Variants in RBPJL observed in about 807,000 individuals in gnomAD.
The protein encoded by RBPJL is recombining binding protein suppressor of hairless-like protein.
A neutral mutation model predicts 57.6 loss-of-function variants in RBPJL; 50 were observed. The ratio of observed to expected loss-of-function variants is 0.87; its 90% CI spans 0.69 to 1.10. The LOEUF is 1.10. Among genes scored for constraint, RBPJL ranks in the 50% least tolerant of loss-of-function variants. The probability of loss-of-function intolerance (pLI) is 0.00; values close to 1 mark genes in which losing one functional copy is unlikely to be tolerated. For missense variants in RBPJL, 684 were observed against 693.7 expected (o/e 0.99, Z 0.16); for synonymous variants, 303 against 294.4 (o/e 1.03, Z -0.30).
Position 45,314,150 on chromosome 20 carries a change from G to T in RBPJL, c.867+6G>T. The T allele has an allele frequency of 6.2e-7, 1 of 1,605,814 alleles. No homozygotes were observed. The highest frequency in any genetic ancestry group is 1.1e-5 in the South Asian group (1 of 90,914). ...GCATCACACTACCTCCCATGGTATAGGAAGGGAGGGCATGCCTGGAGGGGT... is the reference window on the plus strand; with the variant it reads ...GCATCACACTACCTCCCATGGTATATGAAGGGAGGGCATGCCTGGAGGGGT... On this transcript the variant is annotated splice_donor_region_variant and intron_variant, in intron 8 of 11. Transcript: ENST00000343694.
chr20:45,316,907 G>C lies in RBPJL; in HGVS notation c.1502G>C (p.Ser501Thr). 6.2e-7 allele frequency: 1 copy of C among 1,613,618 alleles called. No individual in the cohort carries two copies. The highest frequency in any genetic ancestry group is 1.7e-4 in the Middle Eastern group (1 of 6,060). ...ACCGACGCCGACGCGCTCCTGGAGA[G>C]CATCCATCAGGAGTTCACGCGCACC... is the stretch of plus-strand genomic sequence containing the variant. ...PATDADALLESIHQEFTRTNF... is the reference protein window; with the variant it reads ...PATDADALLETIHQEFTRTNF... The change falls in exon 12 of 12, where the codon AGC (serine) becomes ACC (threonine). Residue 501 changes from serine (S) to threonine (T), a missense_variant. Transcript: ENST00000343694.
chr20:45,310,119 T>A (rs1470337125), intron 3 of RBPJL, among the ~76,000 whole-genome samples: 1 of 152,112 alleles, frequency 6.6e-6, no homozygotes, highest in East Asian at 1.9e-4. Context: ...GGAAACAAGA[T>A]ACTTGCAGAT....
chr20:45,312,491 C>CTTA lies in RBPJL; in HGVS notation c.619+97_619+99dup. 4 of 1,267,004 alleles carry CTTA rather than the reference C, an allele frequency of 3.2e-6. No homozygotes were observed. The South Asian group carries it at 5.7e-5, about 18-fold the overall frequency. The allele number at this position is 1,267,004 out of a possible 1,614,324, so 78.5% of individuals were successfully genotyped here. A position where few individuals can be genotyped will look rare whatever the true frequency, so the allele number is the denominator to read the frequency against. On this transcript the variant is annotated intron_variant, in intron 6 of 11. Coordinates refer to ENST00000343694, the MANE Select transcript of RBPJL (RefSeq NM_014276.4). Reference sequence around the variant, plus strand: ...GGCGCGGAGGTGGGGGTAGGCTGGGCTTAGGGGTCAGAGTGGAAAAGGTGG... The same window carrying CTTA: ...GGCGCGGAGGTGGGGGTAGGCTGGGCTTATTAGGGGTCAGAGTGGAAAAGGTGG...
intron 3 of RBPJL, among the ~76,000 whole-genome samples, chr20:45,310,986 G>A (rs912622204): frequency 7.2e-5 from 11 of 151,760 alleles, no homozygotes; most frequent in African/African-American, 1.7e-4. Context: ...GGTGGCTTGT[G>A]TCTGTAGTCT....
At chr20:45,314,237 G>C in intron 8 of RBPJL, 93 bp downstream of exon 8, 1 of 1,303,336 alleles carries the variant, frequency 7.7e-7, no homozygotes, top group Non-Finnish European at 1.1e-6. Flanking sequence ...GAGGCCCCAA[G>C]GCATGGAGAC....
rs538601085 is a variant in RBPJL at position 45,317,018 on chromosome 20, G to T, written c.*59G>T. On this transcript the variant is annotated 3_prime_UTR_variant, in exon 12 of 12. Transcript: ENST00000343694. Reference sequence around the variant, plus strand: ...GGGCTGCGCCCGCGCCAGGCGCGGGGACGTGTTTCTGGGTTCTAGGCCCTG... The same window carrying T: ...GGGCTGCGCCCGCGCCAGGCGCGGGTACGTGTTTCTGGGTTCTAGGCCCTG... 4.5e-6 allele frequency: 7 copies of T among 1,548,260 alleles called. 1 individual carries two copies. Among genetic ancestry groups the T allele is most frequent in the East Asian group, 2.3e-5 (1 of 44,332 alleles).
chr20:45,307,068 GC>G, intron 1 of RBPJL, 124 bp downstream of exon 1: 1 of 544,428 alleles, frequency 1.8e-6, no homozygotes, highest in Non-Finnish European at 2.8e-6. Flanking sequence ...CCGCCGAACT[GC>G]AAAAGCAGGA....
At chr20:45,310,048 T>C (rs112217779) in intron 3 of RBPJL, among the ~76,000 whole-genome samples, 1 of 152,160 alleles carries the variant, frequency 6.6e-6, no homozygotes, top group Non-Finnish European at 1.5e-5. Context: ...CAGCCCCTGC[T>C]CTGTAGCCCA....
intron 6 of RBPJL, 21 bp downstream of exon 6, chr20:45,312,416 C>T (rs577036716): frequency 1.2e-6 from 2 of 1,603,608 alleles, no homozygotes; most frequent in African/African-American, 1.3e-5. Flanking sequence ...CGGGGCCTGA[C>T]CCCCGGCCCG....
At position 45,307,092 on chromosome 20, in the gene RBPJL, G is replaced by A. The variant is rs563628360; in HGVS notation, c.22+148G>A. ...TGCAAAAGCAGGATTAGAACCTAGG[G>A]CTCCTGGTTCCCCTTCTCTCTCTTG... On this transcript the variant is annotated intron_variant, in intron 1 of 11. Transcript: ENST00000343694. The A allele has an allele frequency of 2.5e-5, 12 of 474,228 alleles. 1 individual carries two copies. The highest frequency in any genetic ancestry group is 2.4e-4 in the African/African-American group (12 of 49,572). 29.4% of individuals were successfully genotyped at this position (474,228 alleles called of 1,614,324 possible).
chr20:45,311,893 G>A lies in RBPJL; in HGVS notation c.383G>A (p.Ser128Asn). The A allele has an allele frequency of 1.3e-6, 2 of 1,539,818 alleles. No homozygotes were observed. Among genetic ancestry groups the A allele is most frequent in the South Asian group, 2.4e-5 (2 of 83,066 alleles). The change falls in exon 5 of 12, where the codon AGC becomes AAC. Residue 128 changes from serine to asparagine, a missense_variant. By Grantham distance (46) the Ser-to-Asn change is conservative. Transcript: ENST00000343694. ...PTVCGYMGLDSASGSATETQK... is the reference protein window; with the variant it reads ...PTVCGYMGLDNASGSATETQK... ...GTCTGCGGTTACATGGGACTGGACAGCGCGTCCGGCAGCGCCACTGAGACG... is the reference window on the plus strand; with the variant it reads ...GTCTGCGGTTACATGGGACTGGACAACGCGTCCGGCAGCGCCACTGAGACG...
chr20:45,311,576 C>CT lies in RBPJL; in HGVS notation c.258-11dup. The CT allele has an allele frequency of 6.2e-7, 1 of 1,614,040 alleles. No homozygotes were observed. Among genetic ancestry groups the CT allele is most frequent in the Non-Finnish European group, 8.5e-7 (1 of 1,179,906 alleles). On this transcript the variant is annotated splice_polypyrimidine_tract_variant and intron_variant, in intron 3 of 11. Coordinates refer to ENST00000343694, the MANE Select transcript of RBPJL (RefSeq NM_014276.4). ...GATGGATGCACGACTCCAACACTCA[C>CT]TTATCTCCGCAGGTTCTTCTGCCCC...
In RBPJL at chr20:45,312,335, C is replaced by T. The variant is rs574727643; in HGVS notation, c.559C>T (p.Arg187Cys). 4 of 1,614,180 alleles carry T rather than the reference C, an allele frequency of 2.5e-6. No homozygotes were observed. The highest frequency in any genetic ancestry group is 2.2e-5 in the South Asian group (2 of 91,080). The change falls in exon 6 of 12, where the codon CGC becomes TGC. Residue 187 changes from arginine to cysteine, a missense_variant. Arg to Cys is a radical substitution (Grantham distance 180). Coordinates refer to ENST00000343694, the MANE Select transcript of RBPJL (RefSeq NM_014276.4). ...CCGGGAGCTGGGTACCTTCCACAGCCGCCTTATCAAGGTCATCTCGAAGCC... is the reference window on the plus strand; with the variant it reads ...CCGGGAGCTGGGTACCTTCCACAGCTGCCTTATCAAGGTCATCTCGAAGCC... The part of the protein sequence containing the change: ...GGRELGTFHS[R>C]LIKVISKPSQ...
rs768524263 is a variant in RBPJL, at chr20:45,316,679, C to T, written c.1281-7C>T. ...CCGCAGCCCTCACCCTGGTGCTCCA[C>T]CCCCAGGAGCCCGCGGTCCCTGGTG... On this transcript the variant is annotated splice_region_variant and splice_polypyrimidine_tract_variant and intron_variant, in intron 11 of 11. Transcript: ENST00000343694. 14 of 1,586,654 alleles carry T rather than the reference C, an allele frequency of 8.8e-6. No individual in the cohort carries two copies. The Admixed American group carries it at 1.8e-4, about 20-fold the overall frequency.
chr20:45,312,035 C>T (rs1987201787), intron 5 of RBPJL, 81 bp downstream of exon 5: 1 of 1,448,386 alleles, frequency 6.9e-7, no homozygotes, highest in Admixed American at 1.8e-5. Flanking sequence ...TACTCCCCTC[C>T]GAAAGCCAAG....
chr20:45,311,449 T>G, intron 3 of RBPJL, 140 bp from the exon 4 acceptor site: 1 of 721,078 alleles, frequency 1.4e-6, no homozygotes, highest in Non-Finnish European at 2.4e-6. Flanking sequence ...ATGAATGGGG[T>G]TTACAGTCGT....
At chr20:45,313,652 G>A in intron 7 of RBPJL, 47 bp downstream of exon 7, 1 of 1,520,786 alleles carries the variant, frequency 6.6e-7, no homozygotes, top group South Asian at 1.2e-5. Flanking sequence ...ACATGCATTA[G>A]CTTATTTAAC....
chr20:45,311,446 G>A, intron 3 of RBPJL, 143 bp from the exon 4 acceptor site: 1 of 694,010 alleles, frequency 1.4e-6, no homozygotes, highest in Non-Finnish European at 2.5e-6. Flanking sequence ...GCTATGAATG[G>A]GGTTTACAGT....
At position 45,314,058 on chromosome 20, in the gene RBPJL, G is replaced by C; in HGVS notation, c.781G>C (p.Asp261His). ...AGCTGATGGGCACTCTGCCCAAGGA[G>C]ACTTCCCACCGCGAGAGGGCTACGT... ...HLADGHSAQGDFPPREGYVRY... is the reference protein window; with the variant it reads ...HLADGHSAQGHFPPREGYVRY... Residue 261 changes from aspartate to histidine, a missense_variant, in exon 8 of 12, where the codon GAC becomes CAC. Transcript: ENST00000343694. The C allele has an allele frequency of 1.9e-6, 3 of 1,614,190 alleles. No individual in the cohort carries two copies. The highest frequency in any genetic ancestry group is 2.5e-6 in the Non-Finnish European group (3 of 1,180,006).
Sources: allele counts gnomAD v4.1 joint callset (sites outside exome capture counted in the v4.1 genomes callset), GRCh38; gene constraint gnomAD v4.1.1; transcripts MANE v1.5; gene names NCBI Gene and HGNC (gene_info 2026-07-23, HGNC 2026-07-21).